POLR1C: variants seen among roughly 807,000 people sequenced by gnomAD.
The protein encoded by POLR1C is DNA-directed RNA polymerases I and III subunit RPAC1.
In POLR1C, 42 loss-of-function variants were observed where a neutral mutation model predicts 38.3. That is an observed-to-expected ratio of 1.10 (90% CI 0.86 to 1.42). POLR1C has a LOEUF of 1.42. Ranked by LOEUF, POLR1C falls within the 40% of genes most tolerant of loss-of-function variation. The pLI, the probability that POLR1C is intolerant of heterozygous loss-of-function variation, is 0.00. For missense variants in POLR1C, 507 were observed against 450.5 expected (o/e 1.13, Z -1.14); for synonymous variants, 163 against 163.9 (o/e 0.99, Z 0.04).
intron 10 of POLR1C, among the ~76,000 whole-genome samples, chr6:43,554,622 C>G (rs1483125097): frequency 6.6e-6 from 1 of 151,986 alleles, no homozygotes; most frequent in Non-Finnish European, 1.5e-5. Flanking sequence ...CAGGGTTTTG[C>G]CATGTTGGCC....
chr6:43,519,653 G>C, intron 3 of POLR1C, 53 bp from the exon 4 acceptor site: 1 of 1,613,876 alleles, frequency 6.2e-7, no homozygotes, highest in East Asian at 2.2e-5. Flanking sequence ...TACGGGGATA[G>C]GTAGGGGGTC....
chr6:43,519,615 A>C, intron 3 of POLR1C, 91 bp from the exon 4 acceptor site: 2 of 1,534,946 alleles, frequency 1.3e-6, no homozygotes, highest in Non-Finnish European at 1.8e-6. Context: ...AGGAAGAGAG[A>C]TAGCTCCCTA....
chr6:43,526,200 G>A, downstream of POLR1C: 1 of 456,826 alleles, frequency 2.2e-6, no homozygotes. Flanking sequence ...AAATATTTGA[G>A]CACCAGACAC....
At chr6:43,550,652 T>G (rs1308393110) in intron 9 of POLR1C, among the ~76,000 whole-genome samples, 1 of 152,274 alleles carries the variant, frequency 6.6e-6, no homozygotes, top group African/African-American at 2.4e-5. Flanking sequence ...TTCTAGAGTC[T>G]AGATCTTCAA....
In POLR1C at chr6:43,540,301, A is replaced by G. The variant is rs565241490; in HGVS notation, c.*5-10667A>G. Among the ~76,000 whole-genome samples the G allele has an allele frequency of 3.9e-5, 6 of 152,316 alleles. No homozygotes were observed. In the South Asian group the frequency reaches 1.2e-3, roughly 32 times the overall value. On this transcript the variant is annotated intron_variant, in intron 9 of 10. Coordinates refer to the POLR1C transcript ENST00000607635. ...AAGATCATCCTGGCTAATACGGTGA[A>G]ACCCTGTCTCTACTAAAATTACAAA...
Position 43,521,009 on chromosome 6 carries a change from A to T in POLR1C, c.883A>T (p.Lys295Ter). The change falls in exon 8 of 9, where the codon AAG becomes TAG. Residue 295 changes from lysine to a stop codon, truncating the protein, a stop_gained. Coordinates refer to ENST00000642195, the MANE Select transcript of POLR1C (RefSeq NM_203290.4). LOFTEE classifies it high-confidence loss of function. ...AATCTTCCGGAATGAGAAGCTAAAG[A>T]AGGTTGTGAGGCTTGCCCGGGTTCG... ...REIFRNEKLKKVVRLARVRDH... is the reference protein window; with the variant it reads ...REIFRNEKLK The T allele has an allele frequency of 6.2e-7, 1 of 1,614,148 alleles. No individual in the cohort carries two copies. Among genetic ancestry groups the T allele is most frequent in the Non-Finnish European group, 8.5e-7 (1 of 1,180,016 alleles).
In POLR1C at chr6:43,554,217, C is replaced by T. The variant is rs147865452; in HGVS notation, c.*48+3206C>T. On this transcript the variant is annotated intron_variant, in intron 10 of 10. Transcript: ENST00000607635. ...AGCCTCCCAGGTTGAAGCAATTCTC[C>T]GCCTCAGCCTCCCAAGTAGCTGGGA... Among the ~76,000 whole-genome samples, 300 of 151,980 alleles carry T rather than the reference C, an allele frequency of 2.0e-3. 3 individuals are homozygous for T. Among genetic ancestry groups the T allele is most frequent in the African/African-American group, 6.7e-3 (277 of 41,472 alleles).
chr6:43,525,446 G>A (rs977072348), downstream of POLR1C: 3 of 533,562 alleles, frequency 5.6e-6, no homozygotes, highest in Middle Eastern at 4.9e-4. Context: ...CTTAGGAGCT[G>A]GAGTTTTAAA....
At chr6:43,545,340 G>A (rs1360486020) in intron 9 of POLR1C, among the ~76,000 whole-genome samples, 2 of 152,128 alleles carry the variant, frequency 1.3e-5, no homozygotes, top group East Asian at 1.9e-4. Flanking sequence ...GGTTTGCCCC[G>A]TTGAGACTGC....
exon 9 of POLR1C, chr6:43,529,438 C>CA (rs1447313472): frequency 3.1e-6 from 1 of 326,066 alleles, no homozygotes; most frequent in African/African-American, 2.4e-5. Flanking sequence ...CCTGTAGTCC[C>CA]AGCTACTCGA....
intron 8 of POLR1C, chr6:43,529,157 A>T: frequency 7.1e-7 from 1 of 1,416,432 alleles, no homozygotes; most frequent in Non-Finnish European, 9.7e-7. Context: ...GCTGCACATT[A>T]TGGTCACTGG....
intron 9 of POLR1C, among the ~76,000 whole-genome samples, chr6:43,542,678 G>A (rs1472911427): frequency 1.3e-5 from 2 of 151,754 alleles, no homozygotes; most frequent in African/African-American, 2.4e-5. Flanking sequence ...CACCTGCTTC[G>A]GCCTCCCAAA....
intron 6 of POLR1C, 67 bp downstream of exon 6, chr6:43,520,494 G>T: frequency 6.2e-7 from 1 of 1,600,672 alleles, no homozygotes. Context: ...GCTGACTAGG[G>T]AACTCAGCTG....
In POLR1C at chr6:43,517,343, A is replaced by G. The variant is rs773973361; in HGVS notation, c.107A>G (p.Tyr36Cys). 3.1e-6 allele frequency: 5 copies of G among 1,614,006 alleles called. No homozygotes were observed. The highest frequency in any genetic ancestry group is 1.3e-5 in the African/African-American group (1 of 74,882). Residue 36 changes from tyrosine to cysteine, a missense_variant, in exon 2 of 9, where the codon TAT (tyrosine) becomes TGT (cysteine). Coordinates refer to ENST00000642195, the MANE Select transcript of POLR1C (RefSeq NM_203290.4). ...GACTTTCCCGGTAACTATTCCGGTT[A>G]TGATGATGCCTGGGACCAGGACCGC... ...TTDFPGNYSG[Y>C]DDAWDQDRFE...
At position 43,559,585 on chromosome 6, in the gene POLR1C, A is replaced by G. The variant is rs1345875852; in HGVS notation, c.*49-1815A>G. Among the ~76,000 whole-genome samples, 4 of 152,226 alleles carry G rather than the reference A, an allele frequency of 2.6e-5. 1 individual carries two copies. In the East Asian group the frequency reaches 7.7e-4, roughly 29 times the overall value. The stretch of plus-strand genomic sequence containing the variant: ...GGAATCTTCCTGACTCAACCCTCCT[A>G]TGTACTTCCAAAGCATTCTGCTTTT... On this transcript the variant is annotated intron_variant, in intron 10 of 10. Coordinates refer to the POLR1C transcript ENST00000607635.
intron 9 of POLR1C, chr6:43,549,828 G>GT (rs1384409586): frequency 2.0e-6 from 3 of 1,479,060 alleles, no homozygotes; most frequent in Non-Finnish European, 2.8e-6. Flanking sequence ...TATAAACTGA[G>GT]TATCAGGTAT....
intron 9 of POLR1C, chr6:43,539,594 C>A (rs977991588): frequency 5.8e-6 from 8 of 1,375,380 alleles, no homozygotes; most frequent in Non-Finnish European, 8.1e-6. Flanking sequence ...ACGGCTGCGA[C>A]CCCGGCCCCG....
chr6:43,522,312 T>C (rs1793236952), downstream of POLR1C: 1 of 152,656 alleles, frequency 6.6e-6, no homozygotes, highest in African/African-American at 2.4e-5. Context: ...TAAGACTAGG[T>C]TGAAAAAGGC....
rs558465634 is a variant in POLR1C, at chr6:43,539,142, G to A, written c.*4+9783G>A. ...ATGAGGCGCACCAGCACAGAGCCAC[G>A]GCGGCCTGTCACCTTGCAGGGGACG... On this transcript the variant is annotated intron_variant, in intron 9 of 10. Transcript: ENST00000607635. The A allele has an allele frequency of 5.3e-4, 610 of 1,155,974 alleles. 4 individuals carry two copies. In the African/African-American group the frequency reaches 6.9e-3, roughly 13 times the overall value. 71.6% of individuals were successfully genotyped at this position (1,155,974 alleles called of 1,614,324 possible).
Sources: allele counts gnomAD v4.1 joint callset (sites outside exome capture counted in the v4.1 genomes callset), GRCh38; gene constraint gnomAD v4.1.1; transcripts MANE v1.5; gene names NCBI Gene and HGNC (gene_info 2026-07-23, HGNC 2026-07-21).